MTREX: variants seen among roughly 807,000 people sequenced by gnomAD.
The protein encoded by MTREX is exosome RNA helicase MTR4.
A neutral mutation model predicts 135.4 loss-of-function variants in MTREX; 76 were observed. The ratio of observed to expected loss-of-function variants is 0.56; its 90% CI spans 0.47 to 0.68. The LOEUF is 0.68. Among genes scored for constraint, MTREX ranks in the 30% least tolerant of loss-of-function variants. The probability of loss-of-function intolerance (pLI) is 0.00; values close to 1 mark genes in which losing one functional copy is unlikely to be tolerated. For missense variants in MTREX, 920 were observed against 1,262.1 expected, an observed-to-expected ratio of 0.73 and a Z score of 4.11; for synonymous variants, 404 against 401.6, an observed-to-expected ratio of 1.01 and a Z score of -0.07.
chr5:55,322,296 C>T, intron 1 of MTREX, 31 bp from the exon 2 acceptor site: 1 of 1,574,388 alleles, frequency 6.4e-7, no homozygotes. Context: ...GTGGATACTG[C>T]AGAATTCATT....
Position 55,340,083 on chromosome 5 carries a change from CA to C in MTREX, c.594del (p.Lys198AsnfsTer14). 3 of 1,601,538 alleles carry C rather than the reference CA, an allele frequency of 1.9e-6. No homozygotes were observed. The highest frequency in any genetic ancestry group is 2.3e-5 in the East Asian group (1 of 43,928). On this transcript the variant is annotated frameshift_variant, in exon 6 of 27. Transcript: ENST00000230640. LOFTEE classifies it high-confidence loss of function. ...FTSPIKALSNQKYREMYEEFQ... is the reference protein window; with the variant it reads ...FTSPIKALSNXKYREMYEEFQ... The stretch of plus-strand genomic sequence containing the variant: ...CAGCCCAATTAAGGCTCTGAGTAAC[CA>C]AAAATACCGTGAAATGTATGAAGAA...
intron 3 of MTREX, 44 bp from the exon 4 acceptor site, chr5:55,327,672 A>T: frequency 6.8e-7 from 1 of 1,471,140 alleles, no homozygotes; most frequent in Non-Finnish European, 9.5e-7. Flanking sequence ...ATCAGTTCTC[A>T]AATAGTTGGT....
intron 21 of MTREX, among the ~76,000 whole-genome samples, chr5:55,404,146 T>A (rs977126991): frequency 1.3e-5 from 2 of 152,224 alleles, no homozygotes; most frequent in Non-Finnish European, 2.9e-5. Flanking sequence ...TAATTTTTCC[T>A]CCTTAGTAGA....
At chr5:55,321,681 T>C (rs186413790) in intron 1 of MTREX, among the ~76,000 whole-genome samples, 38 of 151,274 alleles carry the variant, frequency 2.5e-4, no homozygotes, top group African/African-American at 9.2e-4. Context: ...TGATCTCAGC[T>C]TACTGCAGCA....
intron 7 of MTREX, among the ~76,000 whole-genome samples, chr5:55,342,111 C>T (rs908099553): frequency 2.6e-5 from 4 of 152,104 alleles, no homozygotes; most frequent in Non-Finnish European, 5.9e-5. Context: ...CGTCTCACAA[C>T]GTTGAGCAGG....
At chr5:55,409,433 G>C (rs1277736272) in intron 22 of MTREX, among the ~76,000 whole-genome samples, 1 of 152,072 alleles carries the variant, frequency 6.6e-6, no homozygotes, top group East Asian at 1.9e-4. Flanking sequence ...TCCACAAGTG[G>C]TCAAATACAC....
intron 12 of MTREX, among the ~76,000 whole-genome samples, chr5:55,350,477 T>C (rs1458512210): frequency 6.6e-6 from 1 of 152,244 alleles, no homozygotes; most frequent in Non-Finnish European, 1.5e-5. Context: ...TAATGGCGTT[T>C]GATAGATTGT....
intron 14 of MTREX, among the ~76,000 whole-genome samples, chr5:55,354,293 G>C (rs2290597): frequency 0.14 from 21,281 of 152,158 alleles, 1,876 homozygotes; most frequent in East Asian, 0.26. Flanking sequence ...ATGCTTCATT[G>C]AAAGGCAGTC....
intron 16 of MTREX, among the ~76,000 whole-genome samples, chr5:55,368,364 T>C (rs140456251): frequency 5.7e-4 from 87 of 152,048 alleles, no homozygotes; most frequent in African/African-American, 2.0e-3. Context: ...GGCAGGAGAG[T>C]TGCTGGAACC....
chr5:55,382,602 C>G (rs921497083), intron 18 of MTREX, among the ~76,000 whole-genome samples: 2 of 151,576 alleles, frequency 1.3e-5, no homozygotes, highest in Non-Finnish European at 1.5e-5. Flanking sequence ...TTTTTTATTA[C>G]TTTTTGAAAA....
intron 19 of MTREX, among the ~76,000 whole-genome samples, chr5:55,395,265 G>T (rs1253636242): frequency 6.6e-6 from 1 of 151,844 alleles, no homozygotes; most frequent in Non-Finnish European, 1.5e-5. Context: ...AATTAGTTGG[G>T]CATGGTGGCA....
chr5:55,327,334 A>G (rs1343751131), intron 3 of MTREX, among the ~76,000 whole-genome samples: 1 of 152,018 alleles, frequency 6.6e-6, no homozygotes, highest in Non-Finnish European at 1.5e-5. Flanking sequence ...CTTTTTTTCT[A>G]ATTGCCATTC....
chr5:55,349,319 T>C (rs892683357), intron 11 of MTREX, among the ~76,000 whole-genome samples: 1 of 151,886 alleles, frequency 6.6e-6, no homozygotes, highest in African/African-American at 2.4e-5. Flanking sequence ...CCCAGGTAGC[T>C]GGGACTACAG....
intron 15 of MTREX, among the ~76,000 whole-genome samples, chr5:55,362,020 G>A (rs912971769): frequency 9.3e-5 from 14 of 150,916 alleles, no homozygotes; most frequent in Non-Finnish European, 1.6e-4. Context: ...GGGCTCAAGC[G>A]ACCCTCCCAC....
chr5:55,409,108 C>T (rs893244453), intron 22 of MTREX, among the ~76,000 whole-genome samples: 10 of 151,996 alleles, frequency 6.6e-5, no homozygotes, highest in East Asian at 1.9e-4. Context: ...TGTGCCACCA[C>T]GCTCAGCTTA....
At position 55,308,143 on chromosome 5, in the gene MTREX, G is replaced by T. The variant is rs767088388; in HGVS notation, c.130G>T (p.Ala44Ser). The change falls in exon 1 of 27, where the codon GCA (alanine) becomes TCA (serine). Residue 44 changes from alanine to serine, a missense_variant. Physicochemically the swap from Ala to Ser is moderately conservative, Grantham distance 99. This residue lies in a region of MTREX where 136 missense variants were observed against 126.7 expected (regional missense o/e 1.07). Transcript: ENST00000230640. ...GGGGCCTCCAGGGTCTGCAGACAAG[G>T]CAGGGTAAGGAAGAAGTTCCAGTTG... ...WKGPPGSADK[A>S]GKRFDGKLQS... The T allele has an allele frequency of 6.3e-7, 1 of 1,596,800 alleles. No homozygotes were observed. The highest frequency in any genetic ancestry group is 8.5e-7 in the Non-Finnish European group (1 of 1,173,452).
Position 55,376,505 on chromosome 5 carries a change from G to A in MTREX, c.1811-1809G>A, listed in dbSNP as rs138964038. Among the ~76,000 whole-genome samples, 204 of 152,298 alleles carry A rather than the reference G, an allele frequency of 1.3e-3. 2 individuals carry two copies. The Middle Eastern group carries it at 0.024, about 18-fold the overall frequency. ...GTGTAATGCCATTCCAGCAGTGGTG[G>A]CCATTGCAGTGACTGTAATGAGGCC... On this transcript the variant is annotated intron_variant, in intron 16 of 26. Transcript: ENST00000230640.
chr5:55,336,767 C>T (rs1036694389), intron 5 of MTREX, among the ~76,000 whole-genome samples: 6 of 152,322 alleles, frequency 3.9e-5, no homozygotes, highest in Admixed American at 6.5e-5. Context: ...ATGGGTTCCT[C>T]ATCTTGCAAA....
intron 1 of MTREX, among the ~76,000 whole-genome samples, chr5:55,310,982 A>G (rs921084107): frequency 2.6e-5 from 4 of 151,528 alleles, no homozygotes; most frequent in Non-Finnish European, 4.4e-5. Flanking sequence ...GTCTCATAGT[A>G]TGTTGCCCAG....
Sources: allele counts gnomAD v4.1 joint callset (sites outside exome capture counted in the v4.1 genomes callset), GRCh38; gene constraint gnomAD v4.1.1; regional missense constraint gnomAD v4.1.1; transcripts MANE v1.5; gene names NCBI Gene and HGNC (gene_info 2026-07-23, HGNC 2026-07-21).